The following SPTLC1 variants were observed in gnomAD, a reference collection of about 807,000 sequenced individuals.
SPTLC1 encodes serine palmitoyltransferase 1.
Under a neutral mutation model 68.9 loss-of-function variants are expected in SPTLC1, and 55 were observed. That is an observed-to-expected ratio of 0.80 (90% CI 0.64 to 1.00). The LOEUF (loss-of-function observed/expected upper bound fraction) is 1.00. Among genes scored for constraint, SPTLC1 ranks in the 50% least tolerant of loss-of-function variants. The pLI is 0.00. For missense variants in SPTLC1, 449 were observed against 573.1 expected (o/e 0.78, Z 2.21); for synonymous variants, 197 against 201.6 (o/e 0.98, Z 0.19).
chr9:92,067,374 C>T (rs956725305), intron 6 of SPTLC1, among the ~76,000 whole-genome samples: 2 of 151,986 alleles, frequency 1.3e-5, no homozygotes, highest in South Asian at 2.1e-4. Context: ...ACTCATAGGA[C>T]GACAGGGCTT....
intron 3 of SPTLC1, among the ~76,000 whole-genome samples, chr9:92,082,022 G>T (rs1834902860): frequency 6.6e-6 from 1 of 152,170 alleles, no homozygotes; most frequent in Non-Finnish European, 1.5e-5. Flanking sequence ...GGGTTATAGA[G>T]TCTGTCAGAG....
intron 3 of SPTLC1, among the ~76,000 whole-genome samples, chr9:92,084,424 C>T (rs1835028247): frequency 6.6e-6 from 1 of 152,218 alleles, no homozygotes. Context: ...CCATCAATAC[C>T]TAATTTATTG....
At chr9:92,089,771 G>A (rs77873044) in intron 3 of SPTLC1, among the ~76,000 whole-genome samples, 8,120 of 152,228 alleles carry the variant, frequency 0.053, 276 homozygotes, top group Middle Eastern at 0.065. Context: ...TCCCAAGTAG[G>A]ATAAATATGA....
chr9:92,053,147 A>G (rs1347076251), intron 8 of SPTLC1, among the ~76,000 whole-genome samples: 2 of 152,150 alleles, frequency 1.3e-5, no homozygotes, highest in African/African-American at 2.4e-5. Flanking sequence ...AAAAACAAGA[A>G]AAGAGGCTCA....
Position 92,092,732 on chromosome 9 carries a change from C to T in SPTLC1, c.261-11769G>A, listed in dbSNP as rs180919510. 1.4e-3 allele frequency among the ~76,000 whole-genome samples: 213 copies of T among 152,168 alleles called. 10 individuals carry two copies. The highest frequency in any genetic ancestry group is 9.4e-4 in the Non-Finnish European group (64 of 67,994). On this transcript the variant is annotated intron_variant, in intron 3 of 14. Transcript: ENST00000262554. Reference sequence around the variant, plus strand: ...CCTGACAACAGGGCAAGACTCCATCCTCCCTCCCCCCAAAAAAAGTATAGC... The same window carrying T: ...CCTGACAACAGGGCAAGACTCCATCTTCCCTCCCCCCAAAAAAAGTATAGC...
At chr9:92,041,501 ACCAAAGGCCCCAAG>A (rs953143882) in intron 12 of SPTLC1, among the ~76,000 whole-genome samples, 1 of 152,202 alleles carries the variant, frequency 6.6e-6, no homozygotes, top group African/African-American at 2.4e-5. Flanking sequence ...CTATTCCCAA[ACCAAAGGCCCCAAG>A]CCTAGATGGC....
chr9:92,054,910 C>T (rs913733303), intron 8 of SPTLC1, among the ~76,000 whole-genome samples: 3 of 149,428 alleles, frequency 2.0e-5, no homozygotes, highest in African/African-American at 7.4e-5. Flanking sequence ...GACTGTCTTG[C>T]GGGGGAGAAA....
intron 3 of SPTLC1, among the ~76,000 whole-genome samples, chr9:92,091,659 A>C (rs1835366783): frequency 6.6e-6 from 1 of 152,352 alleles, no homozygotes; most frequent in Non-Finnish European, 1.5e-5. Flanking sequence ...TTTAAATGCT[A>C]CTGGGAAAAT....
chr9:92,101,431 G>A (rs1455327404), intron 3 of SPTLC1, among the ~76,000 whole-genome samples: 2 of 150,836 alleles, frequency 1.3e-5, no homozygotes, highest in Admixed American at 6.6e-5. Context: ...GCGTGGTGGC[G>A]GGTGCCTGTA....
intron 5 of SPTLC1, 82 bp downstream of exon 5, chr9:92,079,934 G>A (rs977002132): frequency 8.4e-7 from 1 of 1,196,144 alleles, no homozygotes; most frequent in Non-Finnish European, 1.2e-6. Flanking sequence ...GGGAGTACAG[G>A]TGTGAGCCAC....
chr9:92,042,030 A>G (rs1279619779), intron 12 of SPTLC1, among the ~76,000 whole-genome samples: 1 of 152,170 alleles, frequency 6.6e-6, no homozygotes, highest in Non-Finnish European at 1.5e-5. Context: ...GTTTGAGGCT[A>G]TAGTGTGTTG....
At chr9:92,064,366 T>C (rs148296603) in intron 6 of SPTLC1, among the ~76,000 whole-genome samples, 277 of 152,326 alleles carry the variant, frequency 1.8e-3, no homozygotes, top group Non-Finnish European at 3.1e-3. Context: ...ATGGCAAATA[T>C]GCACATGAAT....
chr9:92,089,447 C>T (rs968493000), intron 3 of SPTLC1, among the ~76,000 whole-genome samples: 5 of 151,994 alleles, frequency 3.3e-5, no homozygotes, highest in African/African-American at 9.7e-5. Context: ...GGCTAACTTG[C>T]TAAATAGTCA....
At chr9:92,112,360 A>G in intron 2 of SPTLC1, 95 bp downstream of exon 2, 1 of 865,512 alleles carries the variant, frequency 1.2e-6, no homozygotes, top group South Asian at 1.4e-5. Context: ...AAAATGCTTT[A>G]ACACACATGG....
At chr9:92,103,037 A>G (rs529644723) in intron 3 of SPTLC1, among the ~76,000 whole-genome samples, 1 of 152,370 alleles carries the variant, frequency 6.6e-6, no homozygotes, top group Non-Finnish European at 1.5e-5. Context: ...AATCCAATAT[A>G]TTGATCTACT....
chr9:92,089,055 T>G (rs1358649976), intron 3 of SPTLC1, among the ~76,000 whole-genome samples: 1 of 152,212 alleles, frequency 6.6e-6, no homozygotes, highest in East Asian at 1.9e-4. Context: ...CGCGAGACGC[T>G]GGACACTAGA....
At position 92,065,554 on chromosome 9, in the gene SPTLC1, G is replaced by A. The variant is rs1389023888; in HGVS notation, c.560+2412C>T. 2.6e-5 allele frequency among the ~76,000 whole-genome samples: 4 copies of A among 151,948 alleles called. No individual in the cohort carries two copies. In the East Asian group the frequency reaches 7.7e-4, roughly 29 times the overall value. On this transcript the variant is annotated intron_variant, in intron 6 of 14. Transcript: ENST00000262554. ...AAAACACAATGTAGTATTTATCAAAGGAAGCATAGGAGTTCACCAGTAACC... is the reference window on the plus strand; with the variant it reads ...AAAACACAATGTAGTATTTATCAAAAGAAGCATAGGAGTTCACCAGTAACC...
At chr9:92,036,877 C>T (rs1833158057) in intron 13 of SPTLC1, among the ~76,000 whole-genome samples, 1 of 152,196 alleles carries the variant, frequency 6.6e-6, no homozygotes, top group Admixed American at 6.5e-5. Flanking sequence ...GGATGTTTTT[C>T]CCTGTCTAGA....
chr9:92,043,014 G>A (rs1833403307), intron 12 of SPTLC1, among the ~76,000 whole-genome samples: 1 of 152,114 alleles, frequency 6.6e-6, no homozygotes, highest in African/African-American at 2.4e-5. Context: ...CCACCATCTT[G>A]TTTCTTAGTC....
Sources: gnomAD v4.1 joint callset for allele counts (sites outside exome capture counted in the v4.1 genomes callset) on GRCh38, gnomAD v4.1.1 for gene constraint, MANE v1.5 for transcripts, NCBI Gene and HGNC (gene_info 2026-07-23, HGNC 2026-07-21) for gene names.